Variants in SORL1-AS1 observed in about 807,000 individuals in gnomAD.
SORL1-AS1 encodes the protein SORL1 antisense RNA 1, also known as lncRNA 51 A.
At chr11:121,443,606 C>G (rs1421454484), downstream of SORL1-AS1, among the ~76,000 whole-genome samples, 1 of 152,198 alleles carries the variant, frequency 6.6e-6, no homozygotes, top group Non-Finnish European at 1.5e-5. Flanking sequence ...GGGTGTACAG[C>G]TCACGTTTGA....
downstream of SORL1-AS1, among the ~76,000 whole-genome samples, chr11:121,444,493 C>A (rs973930739): frequency 1.3e-5 from 2 of 152,166 alleles, no homozygotes; most frequent in African/African-American, 4.8e-5. Context: ...CGGATATAAA[C>A]CCAGGTGAGT....
exon 2 of SORL1-AS1, chr11:121,447,403 C>G (rs1026535470): frequency 2.6e-5 from 4 of 151,446 alleles, no homozygotes; most frequent in Admixed American, 2.0e-4. Flanking sequence ...GCCCTGACCT[C>G]CTGGGCTCAA....
At chr11:121,449,224 T>C in exon 2 of SORL1-AS1, 1 of 152,162 alleles carries the variant, frequency 6.6e-6, no homozygotes, top group Non-Finnish European at 1.5e-5. Context: ...TTTCCGTGCA[T>C]GTTGATTTTC....
At chr11:121,449,186 T>C (rs1282295683) in exon 2 of SORL1-AS1, 1 of 152,208 alleles carries the variant, frequency 6.6e-6, no homozygotes, top group East Asian at 1.9e-4. Flanking sequence ...AAGACTGTTT[T>C]ATACACAGCT....
the SORL1-AS1 span, among the ~76,000 whole-genome samples, chr11:121,438,563 T>C: frequency 6.6e-6 from 1 of 152,040 alleles, no homozygotes; most frequent in South Asian, 2.1e-4. Context: ...CTCTTTTGTG[T>C]CTGGTGCTTC....
chr11:121,440,184 C>A, the SORL1-AS1 span, among the ~76,000 whole-genome samples: 1 of 152,138 alleles, frequency 6.6e-6, no homozygotes, highest in African/African-American at 2.4e-5. Flanking sequence ...ACAAGCCTGG[C>A]AAACATGGTG....
downstream of SORL1-AS1, among the ~76,000 whole-genome samples, chr11:121,444,616 T>A (rs1229904770): frequency 1.3e-5 from 2 of 152,086 alleles, no homozygotes; most frequent in African/African-American, 2.4e-5. Flanking sequence ...AAGATTAAAT[T>A]ATGAGGTGGA....
chr11:121,441,876 C>G, the SORL1-AS1 span, among the ~76,000 whole-genome samples: 1 of 152,300 alleles, frequency 6.6e-6, no homozygotes, highest in South Asian at 2.1e-4. Flanking sequence ...CTGTGGCATG[C>G]AGCTAAAGTT....
chr11:121,450,674 A>G lies in SORL1-AS1; in HGVS notation n.340-775T>C, dbSNP rs1481445625. Among the ~76,000 whole-genome samples, 1 of 152,160 alleles carries G rather than the reference A, an allele frequency of 6.6e-6. No homozygotes were observed. The highest frequency in any genetic ancestry group is 1.9e-4 in the East Asian group (1 of 5,192). ...GAAAGTGTGGTATTTTGATACCTGT[A>G]TACAATGTATAATGAACAAAGCAGG... is the stretch of plus-strand genomic sequence containing the variant. On this transcript the variant is annotated intron_variant and non_coding_transcript_variant, in intron 1 of 1. Transcript: ENST00000501964. The surrounding 1 kb of genome is among the most constrained non-coding windows in gnomAD (Gnocchi z 5.2).
downstream of SORL1-AS1, among the ~76,000 whole-genome samples, chr11:121,445,410 G>A (rs1475910131): frequency 2.0e-5 from 3 of 152,126 alleles, no homozygotes; most frequent in Non-Finnish European, 4.4e-5. Context: ...CGGCCTCCAC[G>A]GATCCCTGCA....
chr11:121,450,615 C>T lies in SORL1-AS1; in HGVS notation n.340-716G>A, dbSNP rs1297473955. Among the ~76,000 whole-genome samples the T allele has an allele frequency of 1.3e-5, 2 of 152,046 alleles. No homozygotes were observed. The highest frequency in any genetic ancestry group is 2.9e-5 in the Non-Finnish European group (2 of 68,000). Reference sequence around the variant, plus strand: ...CTGAAATAACATCAAAGTTGGGGTGCAGGATGAAGGCACCCCAATAATACC... The same window carrying T: ...CTGAAATAACATCAAAGTTGGGGTGTAGGATGAAGGCACCCCAATAATACC... On this transcript the variant is annotated intron_variant and non_coding_transcript_variant, in intron 1 of 1. Transcript: ENST00000501964. This position sits in a 1 kb window ranked among gnomAD's most constrained non-coding sequence, Gnocchi z 5.2.
chr11:121,447,850 T>C (rs955001257), exon 2 of SORL1-AS1: 20 of 151,974 alleles, frequency 1.3e-4, no homozygotes, highest in African/African-American at 4.4e-4. Context: ...CAGGGCTGAG[T>C]TGTGAAGGAG....
chr11:121,447,059 C>T (rs1485491007), downstream of SORL1-AS1, among the ~76,000 whole-genome samples: 1 of 152,184 alleles, frequency 6.6e-6, no homozygotes, highest in African/African-American at 2.4e-5. Context: ...TCACTTCAAA[C>T]CCAGGAGGGG....
At chr11:121,439,594 G>T in the SORL1-AS1 span, among the ~76,000 whole-genome samples, 1 of 151,940 alleles carries the variant, frequency 6.6e-6, no homozygotes, top group South Asian at 2.1e-4. Flanking sequence ...CAGCAGCTTT[G>T]TCGGTAAAAT....
chr11:121,444,356 A>G (rs144067850), downstream of SORL1-AS1, among the ~76,000 whole-genome samples: 89 of 152,350 alleles, frequency 5.8e-4, no homozygotes, highest in African/African-American at 2.1e-3. Flanking sequence ...TTTCTAAACC[A>G]TTGACATGTA....
At chr11:121,445,052 G>A (rs1374955248), downstream of SORL1-AS1, among the ~76,000 whole-genome samples, 3 of 152,112 alleles carry the variant, frequency 2.0e-5, no homozygotes, top group African/African-American at 7.2e-5. Context: ...TAATTTATTT[G>A]GTGTGGAGGA....
At chr11:121,447,257 T>A (rs113535465), downstream of SORL1-AS1, 93 of 152,050 alleles carry the variant, frequency 6.1e-4, no homozygotes, top group African/African-American at 2.2e-3. Flanking sequence ...GGAAGTTGAG[T>A]TACGCAGGGA....
chr11:121,450,042 T>C lies in SORL1-AS1; in HGVS notation n.340-143A>G, dbSNP rs771916281. 7 of 152,224 alleles carry C rather than the reference T, an allele frequency of 4.6e-5. No individual in the cohort carries two copies. Among genetic ancestry groups the C allele is most frequent in the African/African-American group, 9.6e-5 (4 of 41,464 alleles). 9.4% of individuals were successfully genotyped at this position (152,224 alleles called of 1,614,324 possible). A position where few individuals can be genotyped will look rare whatever the true frequency, so the allele number is the denominator to read the frequency against. The stretch of plus-strand genomic sequence containing the variant: ...AATGAGCAAGTAGCTGGCCCTGCCC[T>C]ACTAGTCCTTCTGTGCAAGGGGCCA... On this transcript the variant is annotated intron_variant and non_coding_transcript_variant, in intron 1 of 1. Coordinates refer to ENST00000501964, the Ensembl canonical transcript of SORL1-AS1. This position sits in a 1 kb window ranked among gnomAD's most constrained non-coding sequence, Gnocchi z 5.2.
chr11:121,448,152 T>G (rs1860746487), exon 2 of SORL1-AS1: 1 of 152,228 alleles, frequency 6.6e-6, no homozygotes, highest in Admixed American at 6.5e-5. Context: ...TGCGATGGAA[T>G]GAGATAGATA....
Sources: gnomAD v4.1 joint callset for allele counts (sites outside exome capture counted in the v4.1 genomes callset) on GRCh38, gnomAD v4.1.1 for gene constraint, Gnocchi (gnomAD v3.1) non-coding constraint, MANE v1.5 for transcripts, NCBI Gene and HGNC (gene_info 2026-07-23, HGNC 2026-07-21) for gene names.